ZRSR2: variants seen among roughly 807,000 people sequenced by gnomAD.
The protein encoded by ZRSR2 is zinc finger CCCH-type, RNA binding motif and serine/arginine rich 2.
ZRSR2 carries 3 observed loss-of-function variants against 39.4 expected under a neutral mutation model. The ratio of observed to expected loss-of-function variants is 0.08; its 90% CI spans 0.03 to 0.20. The LOEUF is 0.20. Ranked by LOEUF, ZRSR2 falls within the 10% of genes least tolerant of loss-of-function variation. ZRSR2 has a pLI of 1.00. For synonymous variants in ZRSR2, 137 were observed against 136.0 expected (o/e 1.01, Z -0.05); for missense variants, 256 against 391.5 (o/e 0.65, Z 2.92).
chrX:15,799,973 C>T lies in ZRSR2; in HGVS notation c.203+20C>T. 4 of 1,070,194 alleles carry T rather than the reference C, an allele frequency of 3.7e-6. No individual in the cohort carries two copies. Among genetic ancestry groups the T allele is most frequent in the Non-Finnish European group, 5.1e-6 (4 of 789,949 alleles). The allele number at this position is 1,070,194 out of a possible 1,213,427, so 88.2% of individuals were successfully genotyped here. A position where few individuals can be genotyped will look rare whatever the true frequency, so the allele number is the denominator to read the frequency against. ...AGAGAGGTCAGTGCTAATTGAAACACTTAAAGTGAATGAAGTTATTTTATT... is the reference window on the plus strand; with the variant it reads ...AGAGAGGTCAGTGCTAATTGAAACATTTAAAGTGAATGAAGTTATTTTATT... On this transcript the variant is annotated intron_variant, in intron 3 of 10. Transcript: ENST00000307771.
intron 6 of ZRSR2, 62 bp downstream of exon 6, chrX:15,808,333 T>C: frequency 9.7e-7 from 1 of 1,031,273 alleles, no homozygotes; most frequent in Non-Finnish European, 1.4e-6. Flanking sequence ...GAAATAATAG[T>C]TCCAGTAATG....
intron 7 of ZRSR2, among the ~76,000 whole-genome samples, chrX:15,812,322 T>C (rs1024880431): frequency 6.2e-5 from 7 of 112,540 alleles, no homozygotes; most frequent in African/African-American, 2.3e-4. Context: ...ATCATTCAAG[T>C]GATAAGTTGT....
At chrX:15,796,659 TA>T (rs1407202110) in intron 2 of ZRSR2, among the ~76,000 whole-genome samples, 1 of 111,241 alleles carries the variant, frequency 9.0e-6, no homozygotes, top group African/African-American at 3.3e-5. Flanking sequence ...ATTTTAACTT[TA>T]AAAAAAGTTG....
intron 1 of ZRSR2, 131 bp downstream of exon 1, chrX:15,790,667 C>A: frequency 1.1e-6 from 1 of 920,657 alleles, no homozygotes; most frequent in Non-Finnish European, 1.5e-6. Context: ...CTTCCTGGTG[C>A]GCGCTCTGGT....
At chrX:15,817,473 T>C (rs1035658431) in intron 8 of ZRSR2, among the ~76,000 whole-genome samples, 3 of 112,177 alleles carry the variant, frequency 2.7e-5, no homozygotes, top group Non-Finnish European at 5.6e-5. Flanking sequence ...CATACTATTA[T>C]ATAAAAACAA....
At chrX:15,797,958 G>A (rs1392771016) in intron 2 of ZRSR2, among the ~76,000 whole-genome samples, 2 of 111,943 alleles carry the variant, frequency 1.8e-5, no homozygotes, top group Middle Eastern at 4.6e-3. Context: ...GCATACCTCT[G>A]CAAGTAGTCA....
In ZRSR2 at chrX:15,803,948, A is replaced by AG. The variant is rs972975530; in HGVS notation, c.312+153dup. On this transcript the variant is annotated intron_variant, in intron 4 of 10. Transcript: ENST00000307771. ...GCAAGAGCGGAACTCCATCTCAAAA[A>AG]GAAAAAAAAAAAAGAGTTGCCTATC... The AG allele has an allele frequency of 1.4e-5, 13 of 959,783 alleles. No homozygotes were observed. In the African/African-American group the frequency reaches 2.2e-4, roughly 16 times the overall value. 79.1% of individuals were successfully genotyped at this position (959,783 alleles called of 1,213,427 possible).
chrX:15,814,602 C>T (rs1254675729), intron 7 of ZRSR2, among the ~76,000 whole-genome samples: 1 of 112,018 alleles, frequency 8.9e-6, no homozygotes, highest in Non-Finnish European at 1.9e-5. Flanking sequence ...TGCACTCCAG[C>T]CTATGTAACA....
At chrX:15,798,933 A>G (rs1176023119) in intron 2 of ZRSR2, among the ~76,000 whole-genome samples, 1 of 111,729 alleles carries the variant, frequency 9.0e-6, no homozygotes, top group East Asian at 2.8e-4. Flanking sequence ...CATGCCTGTA[A>G]TCCCAGCACT....
intron 8 of ZRSR2, among the ~76,000 whole-genome samples, chrX:15,816,427 C>T (rs377269496): frequency 8.9e-6 from 1 of 111,741 alleles, no homozygotes; most frequent in South Asian, 3.7e-4. Context: ...TAACCCCCTT[C>T]TTTTTTTTAC....
chrX:15,815,096 A>G (rs1932943926), intron 7 of ZRSR2, among the ~76,000 whole-genome samples: 1 of 111,780 alleles, frequency 8.9e-6, no homozygotes, highest in African/African-American at 3.3e-5. Flanking sequence ...CCTGAACTTC[A>G]TTCAAAGGCA....
At position 15,810,165 on chromosome X, in the gene ZRSR2, T is replaced by C. The variant is rs745974763; in HGVS notation, c.557+847T>C. 8.0e-5 allele frequency among the ~76,000 whole-genome samples: 9 copies of C among 112,347 alleles called. No individual in the cohort carries two copies. In the South Asian group the frequency reaches 3.0e-3, roughly 37 times the overall value. ...ATGTTATTCTGTGAGACACTCTTCT[T>C]GTTCCCTGCCCCTTTTGGGTCAATG... is the stretch of plus-strand genomic sequence containing the variant. On this transcript the variant is annotated intron_variant, in intron 7 of 10. Transcript: ENST00000307771.
rs1932233578 is a variant in ZRSR2 at position 15,790,488 on chromosome X, C to A, written c.-8C>A. On this transcript the variant is annotated 5_prime_UTR_variant, in exon 1 of 11. Transcript: ENST00000307771. ...CCAGACCTGGAGGGGCGGGGCGGTG[C>A]CGGCAAGATGGCTGCGCCCGAGAAG... The A allele has an allele frequency of 8.6e-7, 1 of 1,160,446 alleles. No individual in the cohort carries two copies. Among genetic ancestry groups the A allele is most frequent in the Non-Finnish European group, 1.1e-6 (1 of 870,706 alleles).
At chrX:15,815,948 A>G (rs1932966860) in intron 8 of ZRSR2, 58 bp downstream of exon 8, 2 of 1,015,485 alleles carry the variant, frequency 2.0e-6, no homozygotes, top group South Asian at 4.9e-5. Context: ...ACTTAATGGC[A>G]CAAGAGAGCT....
chrX:15,822,615 C>A, intron 10 of ZRSR2, 116 bp from the exon 11 acceptor site: 1 of 1,145,973 alleles, frequency 8.7e-7, no homozygotes, highest in South Asian at 2.1e-5. Context: ...ACATAATACA[C>A]AGTAGAAAAT....
intron 9 of ZRSR2, 106 bp downstream of exon 9, chrX:15,818,748 T>C (rs1933031982): frequency 1.1e-5 from 7 of 631,661 alleles, no homozygotes; most frequent in Non-Finnish European, 1.7e-5. Context: ...TCATGTATTT[T>C]ATTTCTTATG....
At chrX:15,799,850 A>C in intron 2 of ZRSR2, 22 bp from the exon 3 acceptor site, 1 of 1,122,621 alleles carries the variant, frequency 8.9e-7, no homozygotes, top group South Asian at 2.0e-5. Context: ...ACTCAGTTTA[A>C]TAAAACATTT....
Position 15,804,094 on chromosome X carries a change from T to C in ZRSR2, c.313-17T>C. 8.6e-7 allele frequency: 1 copy of C among 1,163,853 alleles called. No individual in the cohort carries two copies. Among genetic ancestry groups the C allele is most frequent in the Non-Finnish European group, 1.1e-6 (1 of 876,820 alleles). ...AAAAGTGACTGAAACAAAGTTACTT[T>C]TTCTTCCCCTTTAAAGAGAAAGTTA... On this transcript the variant is annotated splice_polypyrimidine_tract_variant and intron_variant, in intron 4 of 10. Coordinates refer to ENST00000307771, the MANE Select transcript of ZRSR2 (RefSeq NM_005089.4).
chrX:15,808,924 T>C (rs934954734), intron 6 of ZRSR2, among the ~76,000 whole-genome samples: 1 of 111,279 alleles, frequency 9.0e-6, no homozygotes, highest in African/African-American at 3.3e-5. Flanking sequence ...CCCGGCCTTC[T>C]TGGACCCTTT....
Sources: gnomAD v4.1 joint callset for allele counts (sites outside exome capture counted in the v4.1 genomes callset) on GRCh38, gnomAD v4.1.1 for gene constraint, MANE v1.5 for transcripts, NCBI Gene and HGNC (gene_info 2026-07-23, HGNC 2026-07-21) for gene names.